Variants in STK4 observed in about 807,000 individuals in gnomAD.
The protein encoded by STK4 is serine/threonine kinase 4.
A neutral mutation model predicts 64.9 loss-of-function variants in STK4; 30 were observed. That is an observed-to-expected ratio of 0.46 (90% CI 0.35 to 0.63). STK4 has a LOEUF of 0.63. STK4 is among the 20% of genes least tolerant of loss of function. The pLI is 0.01. For missense variants in STK4, 466 were observed against 598.5 expected (o/e 0.78, Z 2.31); for synonymous variants, 177 against 199.0 (o/e 0.89, Z 0.93).
chr20:45,025,998 A>G (rs2068337905), intron 10 of STK4, among the ~76,000 whole-genome samples: 1 of 152,196 alleles, frequency 6.6e-6, no homozygotes, highest in Non-Finnish European at 1.5e-5. Flanking sequence ...TTATACAACT[A>G]ATGGTAGAGA....
intron 10 of STK4, among the ~76,000 whole-genome samples, chr20:45,039,824 A>G (rs1186277666): frequency 6.6e-6 from 1 of 152,164 alleles, no homozygotes; most frequent in African/African-American, 2.4e-5. Flanking sequence ...ATTTGGTGCC[A>G]CTTTTTGGTT....
intron 2 of STK4, 115 bp from the exon 3 acceptor site, chr20:44,978,328 A>G: frequency 7.9e-7 from 1 of 1,262,512 alleles, no homozygotes; most frequent in South Asian, 1.8e-5. Flanking sequence ...GCAAGTGTAT[A>G]TGTATTAGGC....
chr20:44,983,383 C>T (rs1036836060), intron 4 of STK4, among the ~76,000 whole-genome samples: 1 of 152,150 alleles, frequency 6.6e-6, no homozygotes, highest in African/African-American at 2.4e-5. Context: ...CGGAGGATTG[C>T]TTCAGTCCAG....
intron 10 of STK4, among the ~76,000 whole-genome samples, chr20:45,055,268 T>C (rs1214083858): frequency 6.6e-6 from 1 of 152,248 alleles, no homozygotes; most frequent in East Asian, 1.9e-4. Context: ...CATTTGAGTA[T>C]GTGTTTTTAA....
chr20:45,066,646 T>G (rs909120906), intron 10 of STK4, among the ~76,000 whole-genome samples: 16 of 152,264 alleles, frequency 1.1e-4, no homozygotes, highest in African/African-American at 3.9e-4. Context: ...TCTCTTTGTT[T>G]GGAATTTTGA....
At chr20:44,968,893 A>T (rs1363575362) in intron 1 of STK4, among the ~76,000 whole-genome samples, 1 of 152,208 alleles carries the variant, frequency 6.6e-6, no homozygotes, top group Non-Finnish European at 1.5e-5. Flanking sequence ...ACAAAGTGTC[A>T]TGGAGTGGGT....
intron 6 of STK4, 121 bp downstream of exon 6, chr20:44,995,378 G>T: frequency 8.3e-7 from 1 of 1,210,920 alleles, no homozygotes; most frequent in Non-Finnish European, 1.1e-6. Flanking sequence ...GGCTGAGGTG[G>T]ATGGATCACC....
intron 10 of STK4, among the ~76,000 whole-genome samples, chr20:45,066,506 T>C (rs1979589043): frequency 6.6e-6 from 1 of 152,210 alleles, no homozygotes; most frequent in Non-Finnish European, 1.5e-5. Context: ...TTCTAAGAGA[T>C]CCGTGTCAGA....
rs748582253 is a variant in STK4 at position 45,075,078 on chromosome 20, G to A, written c.1366G>A (p.Glu456Lys). The A allele has an allele frequency of 6.2e-7, 1 of 1,614,174 alleles. No individual in the cohort carries two copies. Among genetic ancestry groups the A allele is most frequent in the East Asian group, 2.2e-5 (1 of 44,888 alleles). The change falls in exon 11 of 11, where the codon GAG becomes AAG. Residue 456 changes from glutamate (E) to lysine (K), a missense_variant. Around this residue, in one of 2 missense-constraint regions of STK4, gnomAD observed 276 missense variants for 308.9 expected, o/e 0.89. Transcript: ENST00000372806. Reference protein sequence around the residue: ...KRLLALDPMMEQEIEEIRQKY... With the variant: ...KRLLALDPMMKQEIEEIRQKY... ...GCTCTTGGCCCTGGACCCCATGATG[G>A]AGCAGGAGATTGAAGAGATCCGGCA... is the stretch of plus-strand genomic sequence containing the variant.
chr20:45,063,214 C>T (rs954234216), intron 10 of STK4, among the ~76,000 whole-genome samples: 1 of 150,572 alleles, frequency 6.6e-6, no homozygotes, highest in East Asian at 2.0e-4. Flanking sequence ...CACCATGTTT[C>T]CCAGGCTGGT....
intron 10 of STK4, among the ~76,000 whole-genome samples, chr20:45,054,173 C>T (rs1225082534): frequency 1.3e-5 from 2 of 152,180 alleles, no homozygotes; most frequent in Non-Finnish European, 2.9e-5. Flanking sequence ...ATAGGCTTTA[C>T]TGCTGTCCGT....
intron 10 of STK4, among the ~76,000 whole-genome samples, chr20:45,028,573 T>C (rs1249542069): frequency 2.6e-5 from 4 of 152,154 alleles, no homozygotes; most frequent in Non-Finnish European, 5.9e-5. Flanking sequence ...ATAATCCTCC[T>C]GCCCGGGCCT....
At chr20:45,047,269 G>T (rs376579546) in intron 10 of STK4, among the ~76,000 whole-genome samples, 1 of 152,090 alleles carries the variant, frequency 6.6e-6, no homozygotes, top group Non-Finnish European at 1.5e-5. Context: ...GCTTTGAGGC[G>T]CTAGGTGACA....
intron 10 of STK4, among the ~76,000 whole-genome samples, chr20:45,054,577 T>TTTTAA (rs1568758959): frequency 8.0e-6 from 1 of 125,530 alleles, no homozygotes. Context: ...TTTTTTTTTT[T>TTTTAA]CAAAAAAAAA....
chr20:45,023,491 C>G (rs2145378125), intron 9 of STK4, among the ~76,000 whole-genome samples: 1 of 152,252 alleles, frequency 6.6e-6, no homozygotes, highest in Non-Finnish European at 1.5e-5. Context: ...GCTGAGCCTT[C>G]TGGTTGTTTT....
chr20:45,037,267 C>G (rs895655716), intron 10 of STK4, among the ~76,000 whole-genome samples: 1 of 151,998 alleles, frequency 6.6e-6, no homozygotes, highest in African/African-American at 2.4e-5. Context: ...CCAGGAAGTA[C>G]TGAGTAATTG....
intron 10 of STK4, among the ~76,000 whole-genome samples, chr20:45,069,709 A>T (rs2145481772): frequency 6.6e-6 from 1 of 152,304 alleles, no homozygotes; most frequent in East Asian, 1.9e-4. Context: ...TGCCCCATGT[A>T]AGCTTGCTTC....
At chr20:44,985,918 T>C (rs6031913) in intron 4 of STK4, among the ~76,000 whole-genome samples, 3,105 of 152,308 alleles carry the variant, frequency 0.02, 101 homozygotes, top group African/African-American at 0.068. Flanking sequence ...CTGAGTTGTT[T>C]GTCAGAAGGG....
intron 10 of STK4, among the ~76,000 whole-genome samples, chr20:45,035,072 A>G (rs1270305857): frequency 6.6e-6 from 1 of 152,166 alleles, no homozygotes; most frequent in Non-Finnish European, 1.5e-5. Flanking sequence ...ATATGAGTGT[A>G]TTATATAATG....
Sources: allele counts gnomAD v4.1 joint callset (sites outside exome capture counted in the v4.1 genomes callset), GRCh38; gene constraint gnomAD v4.1.1; regional missense constraint gnomAD v4.1.1; transcripts MANE v1.5; gene names NCBI Gene and HGNC (gene_info 2026-07-23, HGNC 2026-07-21).